Variants in TRIM44 observed in about 807,000 individuals in gnomAD.
The protein encoded by TRIM44 is tripartite motif-containing protein 44.
A neutral mutation model predicts 37.4 loss-of-function variants in TRIM44; 13 were observed. The ratio of observed to expected loss-of-function variants is 0.35; its 90% CI spans 0.23 to 0.55. The LOEUF (loss-of-function observed/expected upper bound fraction) is 0.55, where lower values mean the gene tolerates loss of function less well. TRIM44 is among the 20% of genes least tolerant of loss of function. The probability of loss-of-function intolerance (pLI) is 0.89; values close to 1 mark genes in which losing one functional copy is unlikely to be tolerated. For missense variants in TRIM44, 426 were observed against 437.2 expected, an observed-to-expected ratio of 0.97 and a Z score of 0.23; for synonymous variants, 175 against 157.2, an observed-to-expected ratio of 1.11 and a Z score of -0.85.
At chr11:35,781,737 C>T (rs1853067883) in intron 4 of TRIM44, among the ~76,000 whole-genome samples, 1 of 152,018 alleles carries the variant, frequency 6.6e-6, no homozygotes, top group Non-Finnish European at 1.5e-5. Context: ...AAATATGTGG[C>T]ATAGAATAAT....
chr11:35,800,543 T>TTGGTGCA (rs1295827816), intron 4 of TRIM44, among the ~76,000 whole-genome samples: 1 of 152,148 alleles, frequency 6.6e-6, no homozygotes, highest in African/African-American at 2.4e-5. Flanking sequence ...AGAATGCTGA[T>TTGGTGCA]TGGTGCATTT....
chr11:35,724,797 G>A (rs1469873150), intron 2 of TRIM44, among the ~76,000 whole-genome samples: 1 of 152,044 alleles, frequency 6.6e-6, no homozygotes, highest in Admixed American at 6.6e-5. Flanking sequence ...TATTGGCAAG[G>A]GTGTAGGAAA....
At chr11:35,692,021 C>T (rs542359989) in intron 2 of TRIM44, among the ~76,000 whole-genome samples, 9 of 152,186 alleles carry the variant, frequency 5.9e-5, no homozygotes, top group Admixed American at 1.3e-4. Flanking sequence ...ATGTGTAGCA[C>T]GTTTGCACCA....
rs559658498 is a variant in TRIM44, at chr11:35,813,046, G to A, written c.*6661G>A. ...GTTGAAGGCTCTCCAACAGCTTGACGTCAGGCCAGCTTCATATTCTTGGAA... is the reference window on the plus strand; with the variant it reads ...GTTGAAGGCTCTCCAACAGCTTGACATCAGGCCAGCTTCATATTCTTGGAA... On this transcript the variant is annotated 3_prime_UTR_variant, in exon 5 of 5. Coordinates refer to ENST00000299413, the MANE Select transcript of TRIM44 (RefSeq NM_017583.6). 9.9e-5 allele frequency: 15 copies of A among 152,262 alleles called. No homozygotes were observed. The highest frequency in any genetic ancestry group is 2.6e-4 in the African/African-American group (11 of 41,544). The allele number at this position is 152,262 out of a possible 1,614,324, so 9.4% of individuals were successfully genotyped here.
chr11:35,729,130 G>T (rs1037525122), intron 3 of TRIM44, among the ~76,000 whole-genome samples: 1 of 151,894 alleles, frequency 6.6e-6, no homozygotes. Flanking sequence ...ATGTATGCTA[G>T]CCTGGGTGTT....
Position 35,813,045 on chromosome 11 carries a change from C to T in TRIM44, c.*6660C>T, listed in dbSNP as rs546037990. 1.3e-5 allele frequency: 2 copies of T among 152,302 alleles called. No homozygotes were observed. Among genetic ancestry groups the T allele is most frequent in the South Asian group, 2.1e-4 (1 of 4,824 alleles). 9.4% of individuals were successfully genotyped at this position (152,302 alleles called of 1,614,324 possible). A position where few individuals can be genotyped will look rare whatever the true frequency, so the allele number is the denominator to read the frequency against. ...TGTTGAAGGCTCTCCAACAGCTTGA[C>T]GTCAGGCCAGCTTCATATTCTTGGA... is the stretch of plus-strand genomic sequence containing the variant. On this transcript the variant is annotated 3_prime_UTR_variant, in exon 5 of 5. Coordinates refer to ENST00000299413, the MANE Select transcript of TRIM44 (RefSeq NM_017583.6).
intron 2 of TRIM44, among the ~76,000 whole-genome samples, chr11:35,721,286 T>C (rs1486552038): frequency 6.6e-6 from 1 of 152,218 alleles, no homozygotes; most frequent in East Asian, 1.9e-4. Context: ...TTTTAAAAAA[T>C]AGTTTTTAAA....
intron 4 of TRIM44, among the ~76,000 whole-genome samples, chr11:35,781,946 T>C (rs1183172493): frequency 1.3e-5 from 2 of 152,230 alleles, no homozygotes; most frequent in Non-Finnish European, 2.9e-5. Context: ...TATCCTTTAC[T>C]TCATGCCCTT....
At chr11:35,714,983 T>G (rs942781373) in intron 2 of TRIM44, among the ~76,000 whole-genome samples, 1 of 152,222 alleles carries the variant, frequency 6.6e-6, no homozygotes, top group African/African-American at 2.4e-5. Flanking sequence ...TTTTTTTGTT[T>G]GCTCAGAAGT....
At chr11:35,707,265 G>A (rs956399695) in intron 2 of TRIM44, among the ~76,000 whole-genome samples, 1 of 152,150 alleles carries the variant, frequency 6.6e-6, no homozygotes, top group African/African-American at 2.4e-5. Context: ...AACAAAAGAG[G>A]ATACGAAGAA....
At chr11:35,672,289 G>A (rs966181678) in intron 1 of TRIM44, among the ~76,000 whole-genome samples, 1 of 151,778 alleles carries the variant, frequency 6.6e-6, no homozygotes, top group Admixed American at 6.6e-5. Context: ...TACTACATAC[G>A]ATATGTTCTG....
chr11:35,765,059 G>A (rs1025528861), intron 4 of TRIM44, among the ~76,000 whole-genome samples: 1 of 151,864 alleles, frequency 6.6e-6, no homozygotes, highest in African/African-American at 2.4e-5. Flanking sequence ...TTGTTTGTTT[G>A]TTTCTAAAAT....
chr11:35,761,933 A>T (rs1349410468), intron 4 of TRIM44, among the ~76,000 whole-genome samples: 3 of 152,240 alleles, frequency 2.0e-5, no homozygotes. Context: ...TGGAGAGAGT[A>T]AACTGTATTC....
At chr11:35,737,587 G>A (rs570785675) in intron 4 of TRIM44, among the ~76,000 whole-genome samples, 69 of 152,250 alleles carry the variant, frequency 4.5e-4, no homozygotes, top group African/African-American at 1.6e-3. Context: ...TGTAATCCCA[G>A]GACTTTGGGA....
intron 4 of TRIM44, among the ~76,000 whole-genome samples, chr11:35,764,467 G>A (rs529896938): frequency 2.1e-4 from 32 of 152,192 alleles, no homozygotes; most frequent in Non-Finnish European, 3.1e-4. Context: ...ACCAGTCCAT[G>A]TAAGTCAGCA....
At chr11:35,746,446 C>CTTTTTTTTTTTTTTTTTTTTTT (rs5791065) in intron 4 of TRIM44, among the ~76,000 whole-genome samples, 1 of 93,200 alleles carries the variant, frequency 1.1e-5, no homozygotes, top group Non-Finnish European at 1.9e-5. Flanking sequence ...GGGGGTCCTT[C>CTTTTTTTTTTTTTTTTTTTTTT]TTTTTTTTTT....
At chr11:35,704,304 G>A (rs918040561) in intron 2 of TRIM44, among the ~76,000 whole-genome samples, 11 of 152,174 alleles carry the variant, frequency 7.2e-5, no homozygotes, top group African/African-American at 2.7e-4. Context: ...TGAAAGTGAT[G>A]GGGAGAATGG....
At chr11:35,682,244 C>T (rs1485325988) in intron 1 of TRIM44, among the ~76,000 whole-genome samples, 2 of 152,110 alleles carry the variant, frequency 1.3e-5, no homozygotes, top group South Asian at 4.1e-4. Context: ...AGTCCGTCTG[C>T]CTGAAGATGG....
intron 2 of TRIM44, among the ~76,000 whole-genome samples, chr11:35,712,200 T>C (rs750103238): frequency 1.3e-5 from 2 of 152,172 alleles, no homozygotes; most frequent in Non-Finnish European, 2.9e-5. Context: ...TGTGTAGTTG[T>C]GTGTCCATAT....
Sources: allele counts gnomAD v4.1 joint callset (sites outside exome capture counted in the v4.1 genomes callset), GRCh38; gene constraint gnomAD v4.1.1; transcripts MANE v1.5; gene names NCBI Gene and HGNC (gene_info 2026-07-23, HGNC 2026-07-21).